Variants in MDGA2 observed in about 807,000 individuals in gnomAD.
MDGA2 encodes the protein MAM domain-containing glycosylphosphatidylinositol anchor protein 2.
Under a neutral mutation model 117.8 loss-of-function variants are expected in MDGA2, and 40 were observed. The observed-to-expected ratio is 0.34, with a 90% CI of 0.26 to 0.44. The LOEUF is 0.44. Ranked by LOEUF, MDGA2 falls within the 20% of genes least tolerant of loss-of-function variation. The pLI is 1.00. For synonymous variants in MDGA2, 452 were observed against 439.0 expected, an observed-to-expected ratio of 1.03 and a Z score of -0.37; for missense variants, 1,123 against 1,250.6, an observed-to-expected ratio of 0.90 and a Z score of 1.54.
chr14:47,326,026 C>A (rs78233155), intron 1 of MDGA2, among the ~76,000 whole-genome samples: 2,657 of 152,040 alleles, frequency 0.017, 65 homozygotes, highest in East Asian at 0.14. Flanking sequence ...TTGAGGATGA[C>A]AATATTAGAC....
At chr14:47,044,279 T>C (rs780999533) in intron 7 of MDGA2, among the ~76,000 whole-genome samples, 2 of 152,124 alleles carry the variant, frequency 1.3e-5, no homozygotes, top group Admixed American at 6.6e-5. Flanking sequence ...CAAAAAACAA[T>C]AGATTTTTAT....
At chr14:47,500,015 T>TA (rs780697003) in intron 1 of MDGA2, among the ~76,000 whole-genome samples, 25 of 151,604 alleles carry the variant, frequency 1.6e-4, no homozygotes, top group Non-Finnish European at 2.8e-4. Context: ...TAAAGCGATT[T>TA]AAAAAAAAAT....
In MDGA2 at chr14:46,919,461, G is replaced by GT. The variant is rs1388316722; in HGVS notation, c.2238+550dup. On this transcript the variant is annotated intron_variant, in intron 10 of 16. Coordinates refer to ENST00000399232, the MANE Select transcript of MDGA2 (RefSeq NM_001113498.3). ...ATTTTAACCCTTTGAAAAAGATACA[G>GT]TTTTTTCCACATAACCCTTGATCTT... 1.1e-4 allele frequency among the ~76,000 whole-genome samples: 17 copies of GT among 152,276 alleles called. No homozygotes were observed. In the South Asian group the frequency reaches 2.3e-3, roughly 20 times the overall value.
At chr14:47,592,858 A>T (rs1411778934) in intron 1 of MDGA2, among the ~76,000 whole-genome samples, 1 of 152,236 alleles carries the variant, frequency 6.6e-6, no homozygotes, top group African/African-American at 2.4e-5. Context: ...TGTCAAAAGT[A>T]ATTGCAACAA....
intron 3 of MDGA2, among the ~76,000 whole-genome samples, chr14:47,145,306 T>C (rs72680212): frequency 3.2e-3 from 487 of 152,246 alleles, no homozygotes; most frequent in Non-Finnish European, 5.2e-3. Context: ...ATCTCTACCA[T>C]TGCAGTGTGA....
chr14:47,054,454 T>C (rs113175988), intron 7 of MDGA2, among the ~76,000 whole-genome samples: 15,339 of 148,468 alleles, frequency 0.1, 938 homozygotes, highest in East Asian at 0.29. Flanking sequence ...GTATATCTCC[T>C]AATGCTATCC....
chr14:46,956,716 T>C (rs1016667550), intron 9 of MDGA2, among the ~76,000 whole-genome samples: 2 of 152,166 alleles, frequency 1.3e-5, no homozygotes, highest in African/African-American at 4.8e-5. Flanking sequence ...CTTATTATTA[T>C]TGAAACACTC....
At chr14:47,136,197 C>CTTT (rs34818512) in intron 4 of MDGA2, among the ~76,000 whole-genome samples, 13 of 131,030 alleles carry the variant, frequency 9.9e-5, no homozygotes, top group African/African-American at 1.7e-4. Context: ...TGTTTTCTCT[C>CTTT]TTTTTTTTTT....
intron 1 of MDGA2, among the ~76,000 whole-genome samples, chr14:47,538,916 C>T (rs10141857): frequency 0.11 from 16,321 of 151,972 alleles, 972 homozygotes; most frequent in Middle Eastern, 0.14. Flanking sequence ...TAACGGAGTA[C>T]CTAAGAAGGA....
intron 1 of MDGA2, among the ~76,000 whole-genome samples, chr14:47,569,520 C>A (rs1180553708): frequency 6.6e-6 from 1 of 152,194 alleles, no homozygotes; most frequent in Non-Finnish European, 1.5e-5. Flanking sequence ...AAGTTCTCAG[C>A]CATCTTGCAA....
intron 10 of MDGA2, among the ~76,000 whole-genome samples, chr14:46,889,425 T>C (rs939431002): frequency 6.6e-6 from 1 of 152,124 alleles, no homozygotes; most frequent in African/African-American, 2.4e-5. Flanking sequence ...TTGTATTATT[T>C]TTCTTAATTG....
At position 47,509,777 on chromosome 14, in the gene MDGA2, A is replaced by T. The variant is rs563724637; in HGVS notation, c.280+164740T>A. 2.6e-5 allele frequency among the ~76,000 whole-genome samples: 4 copies of T among 152,302 alleles called. No homozygotes were observed. In the East Asian group the frequency reaches 7.7e-4, roughly 29 times the overall value. ...CTTTTGGACAGGAAATGTCTATCTT[A>T]TGACTGCCTCCAATGTTTGTATTTT... On this transcript the variant is annotated intron_variant, in intron 1 of 16. Coordinates refer to ENST00000399232, the MANE Select transcript of MDGA2 (RefSeq NM_001113498.3).
At chr14:47,017,733 A>G (rs1196373690) in intron 8 of MDGA2, among the ~76,000 whole-genome samples, 2 of 152,104 alleles carry the variant, frequency 1.3e-5, no homozygotes, top group African/African-American at 2.4e-5. Context: ...CTAGTGAGTG[A>G]AAAATATATG....
chr14:46,955,317 A>C (rs1390343754), intron 9 of MDGA2, among the ~76,000 whole-genome samples: 1 of 152,102 alleles, frequency 6.6e-6, no homozygotes. Context: ...CCCATCATAG[A>C]AGATGAAAAA....
chr14:47,509,996 T>A (rs1030577702), intron 1 of MDGA2, among the ~76,000 whole-genome samples: 1 of 152,124 alleles, frequency 6.6e-6, no homozygotes, highest in Non-Finnish European at 1.5e-5. Context: ...AGAACATGAA[T>A]TTTGGGGGGA....
intron 4 of MDGA2, among the ~76,000 whole-genome samples, chr14:47,132,286 A>G (rs1882243276): frequency 6.6e-6 from 1 of 151,954 alleles, no homozygotes; most frequent in African/African-American, 2.4e-5. Context: ...AAGCGCCAAC[A>G]AATGAAACAC....
At chr14:47,307,725 G>A (rs1165245404) in intron 1 of MDGA2, among the ~76,000 whole-genome samples, 1 of 151,918 alleles carries the variant, frequency 6.6e-6, no homozygotes, top group Non-Finnish European at 1.5e-5. Context: ...ATGAAGATTT[G>A]AAGAAGAAGG....
chr14:47,516,310 T>G (rs1894749342), intron 1 of MDGA2, among the ~76,000 whole-genome samples: 1 of 152,178 alleles, frequency 6.6e-6, no homozygotes, highest in Non-Finnish European at 1.5e-5. Flanking sequence ...CTTTTACAAA[T>G]GACCTGTAGC....
rs1391431889 is a variant in MDGA2, at chr14:47,491,829, T to G, written c.280+182688A>C. 2.0e-5 allele frequency among the ~76,000 whole-genome samples: 3 copies of G among 152,174 alleles called. No individual in the cohort carries two copies. The East Asian group carries it at 5.8e-4, about 29-fold the overall frequency. On this transcript the variant is annotated intron_variant, in intron 1 of 16. Transcript: ENST00000399232. ...AAAAAAAAAGACATTAAAGCTATTA[T>G]TAATTTTCAAAGTGTCCAATAGTTA...
Sources: gnomAD v4.1 joint callset for allele counts (sites outside exome capture counted in the v4.1 genomes callset) on GRCh38, gnomAD v4.1.1 for gene constraint, MANE v1.5 for transcripts, NCBI Gene and HGNC (gene_info 2026-07-23, HGNC 2026-07-21) for gene names.